The following THSD7B variants were observed in gnomAD, a reference collection of about 807,000 sequenced individuals.
THSD7B encodes the protein thrombospondin type 1 domain containing 7B, also known as thrombospondin type-1 domain-containing protein 7B.
Under a neutral mutation model 213.6 loss-of-function variants are expected in THSD7B, and 138 were observed. The ratio of observed to expected loss-of-function variants is 0.65; its 90% CI spans 0.56 to 0.74. THSD7B has a LOEUF of 0.74. THSD7B is among the 30% of genes least tolerant of loss of function. The probability of loss-of-function intolerance (pLI) is 0.00; values close to 1 mark genes in which losing one functional copy is unlikely to be tolerated. For synonymous variants in THSD7B, 742 were observed against 687.0 expected (o/e 1.08, Z -1.25); for missense variants, 1,931 against 1,991.5 (o/e 0.97, Z 0.58).
intron 3 of THSD7B, among the ~76,000 whole-genome samples, chr2:137,062,620 C>T (rs889766582): frequency 6.6e-6 from 1 of 151,558 alleles, no homozygotes; most frequent in Non-Finnish European, 1.5e-5. Context: ...TTTTGGGGTT[C>T]TCTATTTTGT....
intron 4 of THSD7B, among the ~76,000 whole-genome samples, chr2:137,096,358 G>A (rs748977661): frequency 6.6e-6 from 1 of 152,162 alleles, no homozygotes; most frequent in Non-Finnish European, 1.5e-5. Context: ...TTCTGGTGGT[G>A]GGCTGCAGCC....
chr2:137,566,181 AT>A (rs1480697929), intron 16 of THSD7B, among the ~76,000 whole-genome samples: 1 of 152,174 alleles, frequency 6.6e-6, no homozygotes, highest in Non-Finnish European at 1.5e-5. Context: ...ACTTGTGAAT[AT>A]TTGCCTTCTA....
At chr2:137,035,065 A>G (rs529198413) in intron 2 of THSD7B, among the ~76,000 whole-genome samples, 2 of 152,200 alleles carry the variant, frequency 1.3e-5, no homozygotes, top group Non-Finnish European at 2.9e-5. Context: ...ACGTGCTACA[A>G]TGTTGTCTAG....
intron 12 of THSD7B, among the ~76,000 whole-genome samples, chr2:137,385,305 T>C (rs1025577875): frequency 6.6e-6 from 1 of 152,220 alleles, no homozygotes; most frequent in Admixed American, 6.5e-5. Flanking sequence ...CAACCCATGA[T>C]GAAATAATTG....
chr2:137,496,971 T>C (rs1679582843), intron 15 of THSD7B, among the ~76,000 whole-genome samples: 1 of 152,144 alleles, frequency 6.6e-6, no homozygotes. Context: ...GGAAGGCAAA[T>C]GTGATTCTTT....
At chr2:137,630,134 C>T (rs1008037683) in intron 20 of THSD7B, among the ~76,000 whole-genome samples, 14 of 152,116 alleles carry the variant, frequency 9.2e-5, no homozygotes, top group African/African-American at 3.4e-4. Context: ...GCTGGGACTA[C>T]AGGCACATGC....
At chr2:136,944,507 G>T (rs537643493) in intron 2 of THSD7B, among the ~76,000 whole-genome samples, 12 of 152,224 alleles carry the variant, frequency 7.9e-5, no homozygotes, top group Admixed American at 4.6e-4. Flanking sequence ...TTATTACTGT[G>T]TGGGAGTCTA....
chr2:137,649,976 T>C (rs55784458), intron 21 of THSD7B, among the ~76,000 whole-genome samples: 34,341 of 151,772 alleles, frequency 0.23, 4,069 homozygotes, highest in Non-Finnish European at 0.25. Context: ...GTGGTGGATG[T>C]CTCTCATCCC....
chr2:137,529,990 C>T (rs922850455), intron 15 of THSD7B, among the ~76,000 whole-genome samples: 1 of 151,974 alleles, frequency 6.6e-6, no homozygotes, highest in South Asian at 2.1e-4. Context: ...GGTTCCTCCA[C>T]ATATTGACTG....
chr2:136,979,218 T>G (rs2104806247), intron 2 of THSD7B, among the ~76,000 whole-genome samples: 1 of 149,844 alleles, frequency 6.7e-6, no homozygotes, highest in East Asian at 2.0e-4. Context: ...CTTGCTGCCC[T>G]TAACATTTTT....
chr2:137,174,512 G>T (rs542556556), intron 7 of THSD7B, among the ~76,000 whole-genome samples: 28 of 152,120 alleles, frequency 1.8e-4, no homozygotes, highest in Non-Finnish European at 3.5e-4. Flanking sequence ...TCTACTTTGG[G>T]TTATCTTAGA....
chr2:137,672,188 A>G (rs568305865), intron 27 of THSD7B, among the ~76,000 whole-genome samples: 8 of 152,212 alleles, frequency 5.3e-5, no homozygotes, highest in Non-Finnish European at 1.2e-4. Context: ...TCTAATATTT[A>G]TATGTCAAAT....
chr2:137,674,246 A>C (rs1415944004), intron 27 of THSD7B, among the ~76,000 whole-genome samples: 1 of 151,934 alleles, frequency 6.6e-6, no homozygotes, highest in Admixed American at 6.6e-5. Context: ...TAGACTGCCA[A>C]AATCTCTGTT....
At chr2:137,517,691 C>G (rs118134449) in intron 15 of THSD7B, among the ~76,000 whole-genome samples, 1 of 152,206 alleles carries the variant, frequency 6.6e-6, no homozygotes, top group Non-Finnish European at 1.5e-5. Flanking sequence ...GCAAGCTTCT[C>G]TGCCACTTGG....
At chr2:137,446,197 CT>C (rs1230365839) in intron 14 of THSD7B, among the ~76,000 whole-genome samples, 1 of 151,932 alleles carries the variant, frequency 6.6e-6, no homozygotes, top group African/African-American at 2.4e-5. Flanking sequence ...ATATTTCCTA[CT>C]TTTATGTCCT....
chr2:137,258,822 C>T (rs984898283), intron 10 of THSD7B, among the ~76,000 whole-genome samples: 3 of 151,828 alleles, frequency 2.0e-5, no homozygotes, highest in African/African-American at 4.8e-5. Flanking sequence ...GTCCTAATGC[C>T]CTCCCTCCCA....
At chr2:137,160,064 C>T in intron 5 of THSD7B, 149 bp from the exon 6 acceptor site, 1 of 923,976 alleles carries the variant, frequency 1.1e-6, no homozygotes, top group African/African-American at 1.7e-5. Flanking sequence ...AGCTAAACAA[C>T]ACATATTAGA....
rs189177534 is a variant in THSD7B at position 137,208,629 on chromosome 2, T to C, written c.1724-22415T>C. On this transcript the variant is annotated intron_variant, in intron 7 of 27. Coordinates refer to ENST00000409968, the MANE Select transcript of THSD7B (RefSeq NM_001316349.2). Reference sequence around the variant, plus strand: ...CCCTCAAATCAGTCTCCTCAAAGGCTCAGAGGTAGGGTTTTTCAAGGATAA... The same window carrying C: ...CCCTCAAATCAGTCTCCTCAAAGGCCCAGAGGTAGGGTTTTTCAAGGATAA... Among the ~76,000 whole-genome samples the C allele has an allele frequency of 4.6e-3, 703 of 152,068 alleles. 4 individuals carry two copies. The highest frequency in any genetic ancestry group is 0.016 in the African/African-American group (674 of 41,506).
chr2:137,286,605 T>G (rs1354467537), intron 12 of THSD7B, among the ~76,000 whole-genome samples: 2 of 151,520 alleles, frequency 1.3e-5, no homozygotes, highest in Admixed American at 6.6e-5. Context: ...TCATTTCAGT[T>G]CATTCAGAAA....
Sources: gnomAD v4.1 joint callset for allele counts (sites outside exome capture counted in the v4.1 genomes callset) on GRCh38, gnomAD v4.1.1 for gene constraint, MANE v1.5 for transcripts, NCBI Gene and HGNC (gene_info 2026-07-23, HGNC 2026-07-21) for gene names.